Variants in NDST4 observed in about 807,000 individuals in gnomAD.
The protein encoded by NDST4 is N-heparan sulfate sulfotransferase 4.
In NDST4, 63 loss-of-function variants were observed where a neutral mutation model predicts 100.8. That is an observed-to-expected ratio of 0.62 (90% confidence interval 0.51 to 0.77). The LOEUF is 0.77. Ranked by LOEUF, NDST4 falls within the 30% of genes least tolerant of loss-of-function variation. The pLI is 0.00. For missense variants in NDST4, 943 were observed against 1,018.4 expected (o/e 0.93, Z 1.01); for synonymous variants, 377 against 361.8 (o/e 1.04, Z -0.48).
chr4:115,034,773 T>G (rs985691556), intron 2 of NDST4, among the ~76,000 whole-genome samples: 4 of 152,130 alleles, frequency 2.6e-5, no homozygotes, highest in Non-Finnish European at 4.4e-5. Flanking sequence ...TGCTCCAACC[T>G]GATTACTGAC....
At chr4:114,881,889 T>C (rs1350230651) in intron 6 of NDST4, among the ~76,000 whole-genome samples, 2 of 152,170 alleles carry the variant, frequency 1.3e-5, no homozygotes, top group Non-Finnish European at 2.9e-5. Flanking sequence ...TGTTTACATA[T>C]TGAAGTGTAC....
At chr4:115,044,927 G>A (rs1364321691) in intron 2 of NDST4, among the ~76,000 whole-genome samples, 2 of 151,520 alleles carry the variant, frequency 1.3e-5, no homozygotes, top group African/African-American at 2.4e-5. Context: ...AGATAAGGGA[G>A]AATCAAGAAG....
chr4:115,112,095 G>A (rs1322744923), intron 1 of NDST4, among the ~76,000 whole-genome samples: 2 of 148,744 alleles, frequency 1.3e-5, no homozygotes, highest in African/African-American at 4.9e-5. Flanking sequence ...ACACACACAC[G>A]CACACACTCA....
At chr4:114,876,454 A>T (rs1450347932) in intron 6 of NDST4, among the ~76,000 whole-genome samples, 31 of 152,108 alleles carry the variant, frequency 2.0e-4, no homozygotes, top group African/African-American at 7.5e-4. Context: ...TTTTATTCTA[A>T]AAATAGTCTG....
At chr4:114,992,158 T>C (rs1727054705) in intron 2 of NDST4, among the ~76,000 whole-genome samples, 1 of 151,930 alleles carries the variant, frequency 6.6e-6, no homozygotes, top group Admixed American at 6.6e-5. Context: ...TTATTTTTTT[T>C]CAGTTTTTCC....
At position 114,827,836 on chromosome 4, in the gene NDST4, C is replaced by T. The variant is rs1462146974; in HGVS notation, c.2599G>A (p.Glu867Lys). Residue 867 changes from glutamate to lysine, a missense_variant, in exon 14 of 14, where the codon GAA (glutamate) becomes AAA (lysine). This residue lies in a region of NDST4 where 526 missense variants were observed against 634.1 expected (regional missense o/e 0.83). Coordinates refer to ENST00000264363, the MANE Select transcript of NDST4 (RefSeq NM_022569.3). ...GQPLPSWLRQ[E>K]LQKVR ...CAGTGCTATCTCACTTTCTGCAGTT[C>T]CTGTCTCAGCCACGATGGCAGAGGC... 1 of 1,611,332 alleles carries T rather than the reference C, an allele frequency of 6.2e-7. No individual in the cohort carries two copies. The highest frequency in any genetic ancestry group is 8.5e-7 in the Non-Finnish European group (1 of 1,178,888).
At chr4:115,050,916 G>T (rs554935570) in intron 2 of NDST4, among the ~76,000 whole-genome samples, 8 of 152,204 alleles carry the variant, frequency 5.3e-5, no homozygotes, top group African/African-American at 1.9e-4. Flanking sequence ...GTAGTGCAGA[G>T]AACTCTATTC....
chr4:114,946,420 A>C (rs1179136953), intron 4 of NDST4, among the ~76,000 whole-genome samples: 1 of 152,194 alleles, frequency 6.6e-6, no homozygotes, highest in African/African-American at 2.4e-5. Flanking sequence ...ATAAAGCAGA[A>C]ATATAGAGTG....
chr4:114,865,746 C>A (rs1024319811), intron 7 of NDST4, among the ~76,000 whole-genome samples: 3 of 151,836 alleles, frequency 2.0e-5, no homozygotes, highest in Admixed American at 6.5e-5. Flanking sequence ...GGAATTTGAC[C>A]CTTGACAAGA....
intron 2 of NDST4, among the ~76,000 whole-genome samples, chr4:114,987,893 T>C (rs1390042082): frequency 6.6e-6 from 1 of 152,168 alleles, no homozygotes; most frequent in Non-Finnish European, 1.5e-5. Context: ...GGGGTCATGA[T>C]CTCCTCTATT....
chr4:114,984,657 T>G (rs926278389), intron 2 of NDST4, among the ~76,000 whole-genome samples: 1 of 152,172 alleles, frequency 6.6e-6, no homozygotes, highest in South Asian at 2.1e-4. Flanking sequence ...TATTGCTTTA[T>G]GGAAAGATTA....
intron 2 of NDST4, among the ~76,000 whole-genome samples, chr4:115,058,514 T>C (rs13131064): frequency 0.45 from 67,706 of 152,082 alleles, 16,089 homozygotes; most frequent in Non-Finnish European, 0.55. Flanking sequence ...TTTTCCAATA[T>C]GTAAACAATT....
intron 6 of NDST4, among the ~76,000 whole-genome samples, chr4:114,896,184 G>T (rs1724709142): frequency 6.6e-6 from 1 of 152,036 alleles, no homozygotes; most frequent in Admixed American, 6.6e-5. Flanking sequence ...CTAAACATTG[G>T]ACTCAATCTT....
chr4:114,886,651 C>T (rs1313509982), intron 6 of NDST4, among the ~76,000 whole-genome samples: 1 of 151,996 alleles, frequency 6.6e-6, no homozygotes, highest in African/African-American at 2.4e-5. Context: ...TGGTTTTGCT[C>T]ATTACCATGT....
chr4:114,910,508 T>G (rs1017643426), intron 6 of NDST4, among the ~76,000 whole-genome samples: 4 of 152,214 alleles, frequency 2.6e-5, no homozygotes, highest in Non-Finnish European at 4.4e-5. Flanking sequence ...TTGAAATTAC[T>G]AACAAGAAAT....
intron 9 of NDST4, 119 bp from the exon 10 acceptor site, chr4:114,846,116 T>C (rs1723545195): frequency 2.4e-6 from 2 of 818,660 alleles, no homozygotes; most frequent in African/African-American, 3.5e-5. Flanking sequence ...TATTATGCTG[T>C]TATAGTTTAA....
Position 115,077,105 on chromosome 4 carries a change from T to C in NDST4, c.-69A>G. 2.9e-6 allele frequency: 4 copies of C among 1,392,334 alleles called. No homozygotes were observed. Among genetic ancestry groups the C allele is most frequent in the Non-Finnish European group, 3.9e-6 (4 of 1,037,276 alleles). The allele number at this position is 1,392,334 out of a possible 1,614,324, so 86.2% of individuals were successfully genotyped here. A position where few individuals can be genotyped will look rare whatever the true frequency, so the allele number is the denominator to read the frequency against. Reference sequence around the variant, plus strand: ...CTAAAGTGCCATAGTGAATAAAGTATGAGATGTTGCAAATATCACTTCCCC... The same window carrying C: ...CTAAAGTGCCATAGTGAATAAAGTACGAGATGTTGCAAATATCACTTCCCC... On this transcript the variant is annotated 5_prime_UTR_variant, in exon 2 of 14. Coordinates refer to ENST00000264363, the MANE Select transcript of NDST4 (RefSeq NM_022569.3).
chr4:115,027,979 G>C (rs1335687036), intron 2 of NDST4, among the ~76,000 whole-genome samples: 1 of 151,908 alleles, frequency 6.6e-6, no homozygotes, highest in African/African-American at 2.4e-5. Flanking sequence ...CTTGAACCCA[G>C]CAGGTGGAGT....
At chr4:115,047,757 T>C (rs1728495271) in intron 2 of NDST4, among the ~76,000 whole-genome samples, 1 of 152,134 alleles carries the variant, frequency 6.6e-6, no homozygotes, top group Admixed American at 6.6e-5. Flanking sequence ...AGTCAAATCT[T>C]AGATCTCCAT....
Sources: allele counts gnomAD v4.1 joint callset (sites outside exome capture counted in the v4.1 genomes callset), GRCh38; gene constraint gnomAD v4.1.1; regional missense constraint gnomAD v4.1.1; transcripts MANE v1.5; gene names NCBI Gene and HGNC (gene_info 2026-07-23, HGNC 2026-07-21).